Variants in PDCL3 observed in about 807,000 individuals in gnomAD.
PDCL3 encodes the protein phosducin-like protein 3.
Under a neutral mutation model 26.5 loss-of-function variants are expected in PDCL3, and 22 were observed. That is an observed-to-expected ratio of 0.83 (90% CI 0.59 to 1.19). The LOEUF (loss-of-function observed/expected upper bound fraction) is 1.19. Ranked by LOEUF, PDCL3 falls within the 50% of genes most tolerant of loss-of-function variation. The pLI, the probability that PDCL3 is intolerant of heterozygous loss-of-function variation, is 0.00. For missense variants in PDCL3, 246 were observed against 294.1 expected (o/e 0.84, Z 1.20); for synonymous variants, 81 against 104.9 (o/e 0.77, Z 1.39).
chr2:100,569,244 G>A (rs1675120796), intron 3 of PDCL3, among the ~76,000 whole-genome samples: 1 of 152,104 alleles, frequency 6.6e-6, no homozygotes, highest in Admixed American at 6.6e-5. Flanking sequence ...AGCTGGGTGT[G>A]GTGGTGAACG....
chr2:100,563,105 T>C (rs1360960588), intron 1 of PDCL3, 32 bp downstream of exon 1: 2 of 1,592,102 alleles, frequency 1.3e-6, no homozygotes, highest in Non-Finnish European at 1.7e-6. Context: ...GTCTGGGGGC[T>C]GCGGCCCGTT....
chr2:100,576,337 T>G lies in PDCL3; in HGVS notation c.578-17T>G, dbSNP rs1261965622. ...AGCACAGTGCCTTAGGCAATTTGCT[T>G]TTTCTTTACCATATAGAGTTGGAAT... On this transcript the variant is annotated splice_polypyrimidine_tract_variant and intron_variant, in intron 5 of 5. Transcript: ENST00000264254. 1 of 1,612,308 alleles carries G rather than the reference T, an allele frequency of 6.2e-7. No homozygotes were observed. Among genetic ancestry groups the G allele is most frequent in the African/African-American group, 1.3e-5 (1 of 74,846 alleles).
At position 100,576,736 on chromosome 2, in the gene PDCL3, T is replaced by C; in HGVS notation, c.*240T>C. ...TAAAACCAGCCATTTGTATGGCAAA[T>C]GTCTGTTTTCCTCATTTATATTTTA... On this transcript the variant is annotated 3_prime_UTR_variant, in exon 6 of 6. Coordinates refer to ENST00000264254, the MANE Select transcript of PDCL3 (RefSeq NM_024065.5). 2 of 352,814 alleles carry C rather than the reference T, an allele frequency of 5.7e-6. No individual in the cohort carries two copies. The highest frequency in any genetic ancestry group is 9.8e-6 in the Non-Finnish European group (2 of 204,250). The allele number at this position is 352,814 out of a possible 1,614,324, so 21.9% of individuals were successfully genotyped here.
Position 100,569,787 on chromosome 2 carries a change from G to A in PDCL3, c.368+66G>A, listed in dbSNP as rs533713468. 82 of 1,556,042 alleles carry A rather than the reference G, an allele frequency of 5.3e-5. 1 individual carries two copies. Among genetic ancestry groups the A allele is most frequent in the African/African-American group, 4.3e-4 (31 of 72,902 alleles). ...AATTTATGTCTTCAGGATCTCAGGC[G>A]TTACCTATATCAGAGGGTTAAGAAA... is the stretch of plus-strand genomic sequence containing the variant. On this transcript the variant is annotated intron_variant, in intron 4 of 5. Transcript: ENST00000264254.
At chr2:100,575,325 C>G (rs370762016) in intron 5 of PDCL3, among the ~76,000 whole-genome samples, 1 of 152,042 alleles carries the variant, frequency 6.6e-6, no homozygotes, top group Non-Finnish European at 1.5e-5. Context: ...TTAGTAGAGA[C>G]GGGGTTTCAC....
Position 100,566,547 on chromosome 2 carries a change from G to A in PDCL3, c.51G>A (p.Lys17=). The part of the protein sequence containing the change: ...DTEWNDILRK[K]GILPPKESLK... The stretch of plus-strand genomic sequence containing the variant: ...AATGGAATGACATCTTACGCAAAAA[G>A]GGTATCTTACCCCCCAAGGAAAGTC... Residue 17 remains lysine, a synonymous_variant, in exon 2 of 6, where the codon AAG becomes AAA. Transcript: ENST00000264254. 1.2e-6 allele frequency: 2 copies of A among 1,613,682 alleles called. No individual in the cohort carries two copies. The highest frequency in any genetic ancestry group is 1.3e-5 in the African/African-American group (1 of 75,034).
chr2:100,567,925 C>T (rs1573279439), intron 2 of PDCL3, among the ~76,000 whole-genome samples: 2 of 151,890 alleles, frequency 1.3e-5, no homozygotes, highest in East Asian at 1.9e-4. Flanking sequence ...CAGGTTCAAG[C>T]GATTCTCCTG....
chr2:100,563,395 G>A, intron 1 of PDCL3: 1 of 338,694 alleles, frequency 3.0e-6, no homozygotes, highest in Admixed American at 5.1e-5. Flanking sequence ...CTCCTCTCCT[G>A]AACTCCCCTA....
chr2:100,566,064 C>T lies in PDCL3; in HGVS notation c.7-439C>T, dbSNP rs547818220. On this transcript the variant is annotated intron_variant, in intron 1 of 5. Coordinates refer to ENST00000264254, the MANE Select transcript of PDCL3 (RefSeq NM_024065.5). Reference sequence around the variant, plus strand: ...GACTACAGGTGCCCGCCACCACGCTCGGCTAATTTTTTGTATTTTCAGTAG... The same window carrying T: ...GACTACAGGTGCCCGCCACCACGCTTGGCTAATTTTTTGTATTTTCAGTAG... Among the ~76,000 whole-genome samples, 57 of 152,188 alleles carry T rather than the reference C, an allele frequency of 3.7e-4. No individual in the cohort carries two copies. In the East Asian group the frequency reaches 9.7e-3, roughly 26 times the overall value.
intron 4 of PDCL3, among the ~76,000 whole-genome samples, chr2:100,571,337 G>T (rs568778594): frequency 6.6e-6 from 1 of 152,042 alleles, no homozygotes; most frequent in South Asian, 2.1e-4. Flanking sequence ...ACTCACCTTG[G>T]CCTCCCAAAG....
At chr2:100,575,488 G>A (rs12469806) in intron 5 of PDCL3, among the ~76,000 whole-genome samples, 49,563 of 152,100 alleles carry the variant, frequency 0.33, 8,416 homozygotes, top group East Asian at 0.52. Context: ...CTGCCTTGAT[G>A]TTCCTTTAAG....
intron 5 of PDCL3, among the ~76,000 whole-genome samples, chr2:100,572,238 G>A (rs953686941): frequency 6.6e-6 from 1 of 152,140 alleles, no homozygotes; most frequent in Non-Finnish European, 1.5e-5. Flanking sequence ...TTGAGACAGA[G>A]TCTTGCTCTG....
intron 4 of PDCL3, among the ~76,000 whole-genome samples, chr2:100,570,474 CTTTT>C (rs762190373): frequency 1.6e-5 from 2 of 125,316 alleles, no homozygotes. Flanking sequence ...TTAGGAATTT[CTTTT>C]TTTTTTTTTT....
intron 5 of PDCL3, among the ~76,000 whole-genome samples, chr2:100,575,663 A>T (rs1675272706): frequency 6.6e-6 from 1 of 152,124 alleles, no homozygotes; most frequent in African/African-American, 2.4e-5. Flanking sequence ...TCAGTTACTG[A>T]TTCTTTATTA....
intron 5 of PDCL3, 97 bp downstream of exon 5, chr2:100,571,895 G>C: frequency 9.9e-7 from 1 of 1,006,090 alleles, no homozygotes; most frequent in Non-Finnish European, 1.5e-6. Context: ...ACGATGGTGG[G>C]TCAAGTTCAC....
chr2:100,572,297 T>C (rs966084867), intron 5 of PDCL3, among the ~76,000 whole-genome samples: 1 of 152,060 alleles, frequency 6.6e-6, no homozygotes. Context: ...CTGCAACTTC[T>C]GCCTCCCAGG....
In PDCL3 at chr2:100,563,025, G is replaced by T. The variant is rs367552527; in HGVS notation, c.-43G>T. ...CACAAAAGAGAGCTGAGGGGCGGGG[G>T]CGCTGCGGCACAGCTGGTTTGAGCA... On this transcript the variant is annotated 5_prime_UTR_variant, in exon 1 of 6. Transcript: ENST00000264254. The T allele has an allele frequency of 1.6e-5, 25 of 1,586,532 alleles. No individual in the cohort carries two copies. Among genetic ancestry groups the T allele is most frequent in the Non-Finnish European group, 2.1e-5 (25 of 1,167,166 alleles).
At position 100,576,578 on chromosome 2, in the gene PDCL3, C is replaced by A. The variant is rs1423926137; in HGVS notation, c.*82C>A. On this transcript the variant is annotated 3_prime_UTR_variant, in exon 6 of 6. Transcript: ENST00000264254. ...AAAAAAGGAAAAAGCAAGAATGAAT[C>A]CTTGTGGTTTTTAGTTTTGTATAAA... 2 of 1,334,636 alleles carry A rather than the reference C, an allele frequency of 1.5e-6. No homozygotes were observed. The highest frequency in any genetic ancestry group is 1.9e-6 in the Non-Finnish European group (2 of 1,026,150). The allele number at this position is 1,334,636 out of a possible 1,614,324, so 82.7% of individuals were successfully genotyped here. A position where few individuals can be genotyped will look rare whatever the true frequency, so the allele number is the denominator to read the frequency against.
intron 5 of PDCL3, among the ~76,000 whole-genome samples, chr2:100,574,217 G>A (rs1255639137): frequency 6.6e-6 from 1 of 152,048 alleles, no homozygotes; most frequent in Non-Finnish European, 1.5e-5. Flanking sequence ...GCCTAGGCTG[G>A]TTGTGAACTC....
Sources: gnomAD v4.1 joint callset for allele counts (sites outside exome capture counted in the v4.1 genomes callset) on GRCh38, gnomAD v4.1.1 for gene constraint, MANE v1.5 for transcripts, NCBI Gene and HGNC (gene_info 2026-07-23, HGNC 2026-07-21) for gene names.